The following MLLT3 variants were observed in gnomAD, a reference collection of about 807,000 sequenced individuals.
MLLT3 encodes the protein protein AF-9.
In MLLT3, 4 loss-of-function variants were observed where a neutral mutation model predicts 53.2. The ratio of observed to expected loss-of-function variants is 0.08; its 90% confidence interval spans 0.04 to 0.17. The LOEUF is 0.17. Ranked by LOEUF, MLLT3 falls within the 10% of genes least tolerant of loss-of-function variation. The pLI is 1.00. For synonymous variants in MLLT3, 283 were observed against 230.6 expected (o/e 1.23, Z -2.06); for missense variants, 569 against 684.0 (o/e 0.83, Z 1.87).
chr9:20,409,961 G>A (rs569024924), intron 5 of MLLT3, among the ~76,000 whole-genome samples: 2 of 152,324 alleles, frequency 1.3e-5, no homozygotes, highest in East Asian at 3.9e-4. Context: ...ACCCAGTGCA[G>A]TACTTGGTAT....
chr9:20,478,110 A>G (rs1413624106), intron 2 of MLLT3, among the ~76,000 whole-genome samples: 1 of 152,056 alleles, frequency 6.6e-6, no homozygotes, highest in Non-Finnish European at 1.5e-5. Flanking sequence ...TGTTTCAGGC[A>G]TGACAAGAAC....
intron 2 of MLLT3, among the ~76,000 whole-genome samples, chr9:20,569,679 A>G (rs1819478476): frequency 6.6e-6 from 1 of 152,130 alleles, no homozygotes. Flanking sequence ...TATTTAGAAC[A>G]CCCAGTTCTA....
chr9:20,418,219 G>C (rs1349991368), intron 4 of MLLT3: 1 of 152,198 alleles, frequency 6.6e-6, no homozygotes, highest in Admixed American at 6.5e-5. Flanking sequence ...GAAAAACCGT[G>C]ACAGTCAAAG....
At chr9:20,595,855 C>T (rs894555349) in intron 2 of MLLT3, among the ~76,000 whole-genome samples, 1 of 152,138 alleles carries the variant, frequency 6.6e-6, no homozygotes, top group East Asian at 1.9e-4. Context: ...AAAAGAAGTC[C>T]GGGAAATCTG....
intron 2 of MLLT3, among the ~76,000 whole-genome samples, chr9:20,520,819 CAA>C (rs796910154): frequency 1.7e-4 from 26 of 152,224 alleles, no homozygotes; most frequent in African/African-American, 4.6e-4. Flanking sequence ...TTGGGAATAG[CAA>C]AGTGTTAGAA....
chr9:20,544,111 T>C (rs1161253657), intron 2 of MLLT3, among the ~76,000 whole-genome samples: 2 of 152,208 alleles, frequency 1.3e-5, no homozygotes, highest in African/African-American at 2.4e-5. Context: ...GGGGAAAGGA[T>C]AGTCTCTCCA....
chr9:20,581,403 G>C (rs536037152), intron 2 of MLLT3, among the ~76,000 whole-genome samples: 1 of 152,240 alleles, frequency 6.6e-6, no homozygotes, highest in East Asian at 1.9e-4. Context: ...GCAGTACTTT[G>C]ATCTGCTAAT....
chr9:20,347,468 G>A (rs1820906085), intron 10 of MLLT3, among the ~76,000 whole-genome samples: 1 of 152,146 alleles, frequency 6.6e-6, no homozygotes, highest in Admixed American at 6.5e-5. Context: ...TCAGAAAAAT[G>A]TTAAATGACA....
intron 2 of MLLT3, among the ~76,000 whole-genome samples, chr9:20,508,416 G>A (rs1480522432): frequency 6.6e-6 from 1 of 152,172 alleles, no homozygotes; most frequent in Non-Finnish European, 1.5e-5. Flanking sequence ...GATAGGAGAG[G>A]ACACTACCGC....
chr9:20,565,968 T>TTA lies in MLLT3; in HGVS notation c.193+54684_193+54685dup, dbSNP rs373749428. On this transcript the variant is annotated intron_variant, in intron 2 of 10. Transcript: ENST00000380338. The stretch of plus-strand genomic sequence containing the variant: ...TATATATATATTTATATATATATAT[T>TTA]TATATATATATATATTTATTTATAT... Among the ~76,000 whole-genome samples the TTA allele has an allele frequency of 3.7e-3, 121 of 32,766 alleles. 2 individuals are homozygous for TTA. The highest frequency in any genetic ancestry group is 0.01 in the African/African-American group (91 of 8,788). The allele number at this position is 32,766 out of a possible 152,430, so 21.5% of individuals were successfully genotyped here.
chr9:20,400,008 T>G (rs1195875699), intron 5 of MLLT3, among the ~76,000 whole-genome samples: 1 of 151,832 alleles, frequency 6.6e-6, no homozygotes, highest in African/African-American at 2.4e-5. Context: ...GAATTAATGC[T>G]TATACAGCAA....
chr9:20,566,891 A>G (rs944531114), intron 2 of MLLT3, among the ~76,000 whole-genome samples: 1 of 152,146 alleles, frequency 6.6e-6, no homozygotes, highest in Non-Finnish European at 1.5e-5. Flanking sequence ...GAATAGCAGC[A>G]TATCCATCTT....
At chr9:20,470,026 A>G (rs993039994) in intron 2 of MLLT3, among the ~76,000 whole-genome samples, 41 of 152,054 alleles carry the variant, frequency 2.7e-4, no homozygotes, top group African/African-American at 9.9e-4. Context: ...AGTCTAATTT[A>G]TTTATATAAA....
At chr9:20,586,846 G>A (rs1450862173) in intron 2 of MLLT3, among the ~76,000 whole-genome samples, 1 of 152,098 alleles carries the variant, frequency 6.6e-6, no homozygotes, top group African/African-American at 2.4e-5. Flanking sequence ...GCAAAAATAA[G>A]AGTAAGAAAG....
intron 2 of MLLT3, among the ~76,000 whole-genome samples, chr9:20,618,883 TAAAC>T (rs2131216782): frequency 6.6e-6 from 1 of 152,238 alleles, no homozygotes; most frequent in East Asian, 2.0e-4. Context: ...TCAAGGTGCC[TAAAC>T]AAAGTTACCT....
chr9:20,552,455 C>T (rs903991947), intron 2 of MLLT3, among the ~76,000 whole-genome samples: 3 of 152,154 alleles, frequency 2.0e-5, no homozygotes, highest in Admixed American at 6.6e-5. Context: ...CAGCTCATCA[C>T]ATGCGGCACC....
intron 2 of MLLT3, among the ~76,000 whole-genome samples, chr9:20,541,239 C>T (rs1415183377): frequency 6.6e-6 from 1 of 152,178 alleles, no homozygotes; most frequent in African/African-American, 2.4e-5. Context: ...ACTTCAACAT[C>T]TTCCTGTATT....
intron 2 of MLLT3, among the ~76,000 whole-genome samples, chr9:20,458,670 C>T (rs1824033912): frequency 6.6e-6 from 1 of 152,118 alleles, no homozygotes; most frequent in Non-Finnish European, 1.5e-5. Flanking sequence ...CTGAGGAGGG[C>T]CCCCACCAGA....
At chr9:20,393,983 C>G (rs1026949209) in intron 5 of MLLT3, among the ~76,000 whole-genome samples, 2 of 152,164 alleles carry the variant, frequency 1.3e-5, no homozygotes, top group African/African-American at 4.8e-5. Context: ...AGCTTCATAT[C>G]TAAAAAAGAT....
Sources: gnomAD v4.1 joint callset for allele counts (sites outside exome capture counted in the v4.1 genomes callset) on GRCh38, gnomAD v4.1.1 for gene constraint, MANE v1.5 for transcripts, NCBI Gene and HGNC (gene_info 2026-07-23, HGNC 2026-07-21) for gene names.